The following RBFOX1 variants were observed in gnomAD, a reference collection of about 807,000 sequenced individuals.
The protein encoded by RBFOX1 is RNA binding protein fox-1 homolog 1.
Under a neutral mutation model 57.7 loss-of-function variants are expected in RBFOX1, and 8 were observed. That is an observed-to-expected ratio of 0.14 (90% CI 0.08 to 0.25). The LOEUF (loss-of-function observed/expected upper bound fraction) is 0.25. RBFOX1 is among the 10% of genes least tolerant of loss of function. The pLI is 1.00. For missense variants in RBFOX1, 611 were observed against 548.5 expected, an observed-to-expected ratio of 1.11 and a Z score of -1.14; for synonymous variants, 326 against 222.4, an observed-to-expected ratio of 1.47 and a Z score of -4.15.
intron 3 of RBFOX1, among the ~76,000 whole-genome samples, chr16:6,753,537 C>T (rs2075303259): frequency 6.6e-6 from 1 of 152,160 alleles, no homozygotes. Context: ...TTTTCTTCTT[C>T]TCTTTGAATA....
chr16:6,957,822 G>T (rs745372596), intron 3 of RBFOX1, among the ~76,000 whole-genome samples: 4 of 152,102 alleles, frequency 2.6e-5, no homozygotes, highest in Non-Finnish European at 4.4e-5. Context: ...TTTTCACACA[G>T]CCTCTTTGTG....
intron 1 of RBFOX1, among the ~76,000 whole-genome samples, chr16:5,447,680 G>A (rs967384683): frequency 2.0e-5 from 3 of 152,336 alleles, no homozygotes; most frequent in Admixed American, 6.5e-5. Flanking sequence ...ACTGGCATGA[G>A]CCACCGTGCC....
intron 1 of RBFOX1, among the ~76,000 whole-genome samples, chr16:6,171,032 A>G (rs2096956399): frequency 6.6e-6 from 1 of 152,162 alleles, no homozygotes; most frequent in Non-Finnish European, 1.5e-5. Flanking sequence ...GCTATTGTGA[A>G]TAGTGCTGCA....
intron 1 of RBFOX1, among the ~76,000 whole-genome samples, chr16:5,329,069 T>C (rs2064670100): frequency 6.6e-6 from 1 of 152,202 alleles, no homozygotes; most frequent in East Asian, 1.9e-4. Context: ...ACATATATTG[T>C]TTTATTTGAT....
intron 3 of RBFOX1, among the ~76,000 whole-genome samples, chr16:5,649,140 T>C (rs2049146244): frequency 6.6e-6 from 1 of 152,084 alleles, no homozygotes. Flanking sequence ...TACATACATA[T>C]ACATATATAT....
At position 5,536,106 on chromosome 16, in the gene RBFOX1, C is replaced by CCT. The variant is rs1567204478; in HGVS notation, c.259-62796_259-62795insCT. Among the ~76,000 whole-genome samples, 1,329 of 147,470 alleles carry CCT rather than the reference C, an allele frequency of 9.0e-3. 27 individuals carry two copies. The highest frequency in any genetic ancestry group is 0.031 in the African/African-American group (1,268 of 40,864). On this transcript the variant is annotated intron_variant, in intron 2 of 2. Coordinates refer to the RBFOX1 transcript ENST00000585867. ...CCCCAAGTCATCAAGCCCCCCCCCC[C>CCT]TTTTTTTTCTTTTTTATTTAACAGT...
At chr16:6,811,618 G>A (rs910808459) in intron 3 of RBFOX1, among the ~76,000 whole-genome samples, 7 of 152,128 alleles carry the variant, frequency 4.6e-5, no homozygotes, top group East Asian at 1.9e-4. Flanking sequence ...GGCCAGTTAC[G>A]GTGCCTCAGG....
chr16:5,997,967 C>T (rs2060519829), intron 4 of RBFOX1, among the ~76,000 whole-genome samples: 1 of 152,012 alleles, frequency 6.6e-6, no homozygotes, highest in Admixed American at 6.5e-5. Flanking sequence ...GCTGTTATTC[C>T]CACATAGGAA....
At chr16:7,390,488 C>T (rs929201139) in intron 4 of RBFOX1, among the ~76,000 whole-genome samples, 1 of 152,192 alleles carries the variant, frequency 6.6e-6, no homozygotes, top group Non-Finnish European at 1.5e-5. Context: ...CTTGCCATAT[C>T]ATCTGTTCAA....
intron 1 of RBFOX1, among the ~76,000 whole-genome samples, chr16:6,072,413 A>C (rs1386764579): frequency 6.6e-6 from 1 of 152,218 alleles, no homozygotes; most frequent in African/African-American, 2.4e-5. Flanking sequence ...AAAAAAACAT[A>C]GGAGTGCAGA....
intron 4 of RBFOX1, among the ~76,000 whole-genome samples, chr16:7,369,090 AAAGAAGG>A (rs1293358813): frequency 2.0e-5 from 3 of 152,128 alleles, no homozygotes; most frequent in Non-Finnish European, 4.4e-5. Context: ...GGAATACAGA[AAAGAAGG>A]AAGAAGGAGG....
chr16:6,765,255 C>T (rs1603617635), intron 3 of RBFOX1, among the ~76,000 whole-genome samples: 1 of 152,100 alleles, frequency 6.6e-6, no homozygotes, highest in Admixed American at 6.6e-5. Context: ...CTCCTGCAGG[C>T]CAAGATCTGG....
intron 1 of RBFOX1, among the ~76,000 whole-genome samples, chr16:5,328,226 G>T (rs750204091): frequency 4.6e-5 from 7 of 152,140 alleles, no homozygotes; most frequent in Non-Finnish European, 1.0e-4. Context: ...AAGCAATTAA[G>T]TTAAATAAGG....
At chr16:6,820,623 C>T (rs555084256) in intron 3 of RBFOX1, among the ~76,000 whole-genome samples, 29 of 152,100 alleles carry the variant, frequency 1.9e-4, no homozygotes, top group South Asian at 1.9e-3. Flanking sequence ...CACACTACTA[C>T]AGTCCAGCCT....
chr16:7,304,105 A>G (rs2096107366), intron 4 of RBFOX1: 1 of 659,362 alleles, frequency 1.5e-6, no homozygotes, highest in Admixed American at 6.4e-5. Context: ...AGGCAGAGGA[A>G]CGCCGGGATC....
At chr16:6,459,659 A>G (rs922636891) in intron 2 of RBFOX1, among the ~76,000 whole-genome samples, 3 of 152,032 alleles carry the variant, frequency 2.0e-5, no homozygotes, top group African/African-American at 7.2e-5. Context: ...GAAAATACCA[A>G]TGTCTTTAGA....
chr16:6,653,281 G>A (rs964371135), intron 2 of RBFOX1, among the ~76,000 whole-genome samples: 2 of 151,336 alleles, frequency 1.3e-5, no homozygotes, highest in African/African-American at 4.9e-5. Context: ...ATTCTTTCTG[G>A]AATACCATTA....
chr16:6,649,711 C>T (rs1266793331), intron 2 of RBFOX1, among the ~76,000 whole-genome samples: 4 of 152,092 alleles, frequency 2.6e-5, no homozygotes, highest in Non-Finnish European at 5.9e-5. Flanking sequence ...ATTTTTATGG[C>T]TCAGTAGTAT....
At chr16:6,745,884 G>C (rs2073485134) in intron 3 of RBFOX1, among the ~76,000 whole-genome samples, 1 of 152,138 alleles carries the variant, frequency 6.6e-6, no homozygotes, top group Non-Finnish European at 1.5e-5. Flanking sequence ...AAAATTTTAT[G>C]CTCTCTAAAA....
Sources: allele counts gnomAD v4.1 joint callset (sites outside exome capture counted in the v4.1 genomes callset), GRCh38; gene constraint gnomAD v4.1.1; transcripts MANE v1.5; gene names NCBI Gene and HGNC (gene_info 2026-07-23, HGNC 2026-07-21).